SUZ12: variants seen among roughly 807,000 people sequenced by gnomAD.
SUZ12 encodes SUZ12 polycomb repressive complex 2 subunit.
SUZ12 carries 17 observed loss-of-function variants against 87.3 expected under a neutral mutation model. The observed-to-expected ratio is 0.19, with a 90% CI of 0.13 to 0.29. The LOEUF is 0.29. SUZ12 is among the 10% of genes least tolerant of loss of function. The pLI, the probability that SUZ12 is intolerant of heterozygous loss-of-function variation, is 1.00. For missense variants in SUZ12, 526 were observed against 912.2 expected (o/e 0.58, Z 5.45); for synonymous variants, 253 against 312.4 (o/e 0.81, Z 2.01).
At chr17:31,994,522 T>C in intron 12 of SUZ12, 42 bp from the exon 13 acceptor site, 1 of 1,502,270 alleles carries the variant, frequency 6.7e-7, no homozygotes, top group Non-Finnish European at 8.9e-7. Context: ...ATATTTAGGA[T>C]AGGATACTTA....
chr17:31,965,086 A>G (rs181769820), intron 4 of SUZ12, among the ~76,000 whole-genome samples: 25 of 152,206 alleles, frequency 1.6e-4, no homozygotes, highest in Admixed American at 1.6e-3. Flanking sequence ...CTCTTGCCAC[A>G]ATGTCTTTCT....
At chr17:31,991,580 A>G (rs1252460747) in intron 10 of SUZ12, among the ~76,000 whole-genome samples, 1 of 151,992 alleles carries the variant, frequency 6.6e-6, no homozygotes, top group Admixed American at 6.6e-5. Context: ...TACCAGAATC[A>G]TTTGTCACTA....
In SUZ12 at chr17:31,995,781, A is replaced by G. The variant is rs1402443236; in HGVS notation, c.1794+19A>G. Reference sequence around the variant, plus strand: ...CATTACAGTAATTATTATTATCTTTATTGGCAATTATCTTGGAATATTATT... The same window carrying G: ...CATTACAGTAATTATTATTATCTTTGTTGGCAATTATCTTGGAATATTATT... On this transcript the variant is annotated intron_variant, in intron 14 of 15. Transcript: ENST00000322652. 1 of 1,539,162 alleles carries G rather than the reference A, an allele frequency of 6.5e-7. No homozygotes were observed. Among genetic ancestry groups the G allele is most frequent in the Non-Finnish European group, 8.9e-7 (1 of 1,122,430 alleles).
rs61307349 is a variant in SUZ12, at chr17:31,979,103, C to CAAAAAAAAAAAAA, written c.917+2499_917+2511dup. 7.7e-5 allele frequency among the ~76,000 whole-genome samples: 5 copies of CAAAAAAAAAAAAA among 65,250 alleles called. 1 individual carries two copies. Among genetic ancestry groups the CAAAAAAAAAAAAA allele is most frequent in the African/African-American group, 2.2e-4 (5 of 22,238 alleles). 42.8% of individuals were successfully genotyped at this position (65,250 alleles called of 152,430 possible). ...CCTGGTGACAGCGAGACTGTGTCTC[C>CAAAAAAAAAAAAA]AAAAAAAAAAAAAAAAAAAAAAGAA... On this transcript the variant is annotated intron_variant, in intron 8 of 15. Transcript: ENST00000322652.
At chr17:31,986,586 T>C (rs1231041704) in intron 9 of SUZ12, among the ~76,000 whole-genome samples, 1 of 150,548 alleles carries the variant, frequency 6.6e-6, no homozygotes, top group Non-Finnish European at 1.5e-5. Context: ...GGAGTCTTGC[T>C]CTGTCTCCAG....
intron 4 of SUZ12, among the ~76,000 whole-genome samples, chr17:31,954,523 C>T (rs886275962): frequency 1.3e-5 from 2 of 152,032 alleles, no homozygotes; most frequent in African/African-American, 2.4e-5. Flanking sequence ...CTATACTAAG[C>T]CCTCGGGTAT....
chr17:31,947,502 T>C (rs1906703963), intron 3 of SUZ12, 115 bp from the exon 4 acceptor site: 21 of 1,313,752 alleles, frequency 1.6e-5, no homozygotes, highest in Non-Finnish European at 2.2e-5. Context: ...TAATTTATCT[T>C]ACTAAAAATA....
At chr17:31,943,066 A>G (rs1227185718) in intron 3 of SUZ12, among the ~76,000 whole-genome samples, 2 of 152,234 alleles carry the variant, frequency 1.3e-5, no homozygotes, top group African/African-American at 2.4e-5. Context: ...TGTGAAAATT[A>G]TTTGTCTTTT....
At chr17:31,980,663 G>T (rs1289475499) in intron 8 of SUZ12, among the ~76,000 whole-genome samples, 3 of 151,580 alleles carry the variant, frequency 2.0e-5, no homozygotes, top group Non-Finnish European at 4.4e-5. Context: ...GGTCAGGCTG[G>T]TCTTGAACTC....
intron 9 of SUZ12, among the ~76,000 whole-genome samples, chr17:31,983,815 A>G (rs906935328): frequency 6.6e-6 from 1 of 152,250 alleles, no homozygotes; most frequent in African/African-American, 2.4e-5. Context: ...ATGGCAGGTA[A>G]TAAGGGATGA....
At chr17:31,994,110 G>A in intron 12 of SUZ12, 102 bp downstream of exon 12, 4 of 1,173,100 alleles carry the variant, frequency 3.4e-6, no homozygotes, top group South Asian at 3.7e-5. Context: ...AATTAAAAAA[G>A]GGAAAAAATA....
At position 31,998,845 on chromosome 17, in the gene SUZ12, T is replaced by C; in HGVS notation, c.2062T>C (p.Leu688=). ...VTKLREMQQK[L]EKGESASPAN... is the part of the protein sequence containing the mutation. Reference sequence around the variant, plus strand: ...CAAGCTCCGTGAAATGCAGCAAAAATTAGAAAAGGGGGAATCTGCTTCCCC... The same window carrying C: ...CAAGCTCCGTGAAATGCAGCAAAAACTAGAAAAGGGGGAATCTGCTTCCCC... The change falls in exon 16 of 16, where the codon TTA becomes CTA. Residue 688 remains leucine, a synonymous_variant. Transcript: ENST00000322652. The C allele has an allele frequency of 1.2e-6, 2 of 1,613,168 alleles. No individual in the cohort carries two copies. The highest frequency in any genetic ancestry group is 1.7e-6 in the Non-Finnish European group (2 of 1,179,782).
chr17:31,998,280 A>C (rs1910086683), intron 15 of SUZ12, among the ~76,000 whole-genome samples: 1 of 151,938 alleles, frequency 6.6e-6, no homozygotes, highest in South Asian at 2.1e-4. Flanking sequence ...GGGGTTTCAC[A>C]GTGTTAGCCA....
chr17:31,976,228 A>G (rs1908743963), intron 7 of SUZ12, among the ~76,000 whole-genome samples: 1 of 152,250 alleles, frequency 6.6e-6, no homozygotes, highest in Non-Finnish European at 1.5e-5. Flanking sequence ...GACTCGAAGT[A>G]TTGTTTGAAG....
chr17:31,998,803 A>G lies in SUZ12; in HGVS notation c.2020A>G (p.Ile674Val). ...CTTTAATCTTATTAGCATAATGTCA[A>G]TAGATAAAGCTGTTACCAAGCTCCG... ...HDFNLISIMS[I>V]DKAVTKLREM... Residue 674 changes from isoleucine to valine, a missense_variant, in exon 16 of 16, where the codon ATA (isoleucine) becomes GTA (valine). Ile to Val is a conservative substitution (Grantham distance 29). This residue lies in a region of SUZ12 where 143 missense variants were observed against 321.6 expected (regional missense o/e 0.44). Coordinates refer to ENST00000322652, the MANE Select transcript of SUZ12 (RefSeq NM_015355.4). 1 of 1,613,614 alleles carries G rather than the reference A, an allele frequency of 6.2e-7. No individual in the cohort carries two copies. The highest frequency in any genetic ancestry group is 8.5e-7 in the Non-Finnish European group (1 of 1,179,760).
chr17:31,999,207 A>C lies in SUZ12; in HGVS notation c.*204A>C, dbSNP rs1394443986. ...CATGTATATCACTTTTATTGATGTC[A>C]TTAAAACATTCTGTACTTTAAGCAT... On this transcript the variant is annotated 3_prime_UTR_variant, in exon 16 of 16. Coordinates refer to ENST00000322652, the MANE Select transcript of SUZ12 (RefSeq NM_015355.4). 5.4e-5 allele frequency: 21 copies of C among 391,004 alleles called. No homozygotes were observed. In the Admixed American group the frequency reaches 8.7e-4, roughly 16 times the overall value. The allele number at this position is 391,004 out of a possible 1,614,324, so 24.2% of individuals were successfully genotyped here.
chr17:31,945,021 C>T (rs9911264), intron 3 of SUZ12, among the ~76,000 whole-genome samples: 7,129 of 144,906 alleles, frequency 0.049, 561 homozygotes, highest in African/African-American at 0.17. Context: ...ATGAATGTGC[C>T]GGTGCACTCT....
At chr17:31,960,437 C>T (rs569960111) in intron 4 of SUZ12, among the ~76,000 whole-genome samples, 1 of 152,184 alleles carries the variant, frequency 6.6e-6, no homozygotes, top group Admixed American at 6.6e-5. Context: ...TCTCGAACTC[C>T]TGACCTTGTG....
At chr17:31,988,255 A>G in intron 9 of SUZ12, 65 bp from the exon 10 acceptor site, 2 of 1,434,136 alleles carry the variant, frequency 1.4e-6, no homozygotes, top group Non-Finnish European at 1.9e-6. Context: ...ATTTTTTTTA[A>G]TTTCTACAAT....
Sources: gnomAD v4.1 joint callset for allele counts (sites outside exome capture counted in the v4.1 genomes callset) on GRCh38, gnomAD v4.1.1 for gene constraint, gnomAD v4.1.1 regional missense constraint, MANE v1.5 for transcripts, NCBI Gene and HGNC (gene_info 2026-07-23, HGNC 2026-07-21) for gene names.